The following PTPRT variants were observed in gnomAD, a reference collection of about 807,000 sequenced individuals.
The protein encoded by PTPRT is receptor-type tyrosine-protein phosphatase T.
A neutral mutation model predicts 176.8 loss-of-function variants in PTPRT; 56 were observed. The observed-to-expected ratio is 0.32, with a 90% CI of 0.26 to 0.40. The LOEUF is 0.40. PTPRT is among the 10% of genes least tolerant of loss of function. The probability of loss-of-function intolerance (pLI) is 1.00; values close to 1 mark genes in which losing one functional copy is unlikely to be tolerated. For missense variants in PTPRT, 1,540 were observed against 1,908.2 expected (o/e 0.81, Z 3.60); for synonymous variants, 783 against 739.0 (o/e 1.06, Z -0.96).
intron 7 of PTPRT, among the ~76,000 whole-genome samples, chr20:42,591,900 G>T (rs1771015470): frequency 6.6e-6 from 1 of 151,482 alleles, no homozygotes; most frequent in African/African-American, 2.4e-5. Flanking sequence ...ACTGGTGGAG[G>T]ATATAGCACA....
intron 1 of PTPRT, among the ~76,000 whole-genome samples, chr20:43,176,857 C>G (rs1408478980): frequency 6.6e-6 from 1 of 152,046 alleles, no homozygotes; most frequent in African/African-American, 2.4e-5. Flanking sequence ...AGCTGCATAG[C>G]AAAAATTGGG....
intron 1 of PTPRT, among the ~76,000 whole-genome samples, chr20:43,073,190 A>T (rs2011203640): frequency 6.6e-6 from 1 of 152,304 alleles, no homozygotes; most frequent in East Asian, 1.9e-4. Flanking sequence ...AGAAAATGCA[A>T]TCAGCTACCT....
At chr20:42,850,975 C>T (rs114502321) in intron 2 of PTPRT, among the ~76,000 whole-genome samples, 1 of 152,182 alleles carries the variant, frequency 6.6e-6, no homozygotes, top group East Asian at 1.9e-4. Context: ...CTCATTAGGG[C>T]TCTTGGTAGC....
At chr20:42,184,794 A>T (rs1231866932) in intron 16 of PTPRT, among the ~76,000 whole-genome samples, 1 of 139,766 alleles carries the variant, frequency 7.2e-6, no homozygotes, top group Admixed American at 7.4e-5. Flanking sequence ...CACCCGGCTA[A>T]TTTTTTTTTT....
intron 7 of PTPRT, among the ~76,000 whole-genome samples, chr20:42,663,823 A>T (rs1425305769): frequency 6.6e-6 from 1 of 152,250 alleles, no homozygotes; most frequent in African/African-American, 2.4e-5. Context: ...ATACTAGCAT[A>T]GAATTCCACT....
chr20:42,597,994 C>T (rs1208392283), intron 7 of PTPRT, among the ~76,000 whole-genome samples: 1 of 152,102 alleles, frequency 6.6e-6, no homozygotes, highest in Non-Finnish European at 1.5e-5. Flanking sequence ...TGGACTAGAA[C>T]ATATATATGC....
At chr20:42,103,470 T>C (rs945899110) in intron 25 of PTPRT, among the ~76,000 whole-genome samples, 5 of 152,206 alleles carry the variant, frequency 3.3e-5, no homozygotes, top group Non-Finnish European at 5.9e-5. Context: ...ATTTATTTTA[T>C]TTTTTATGTT....
chr20:42,692,038 T>A lies in PTPRT; in HGVS notation c.860-13879A>T, dbSNP rs80036854. ...ATATACAGTGATTTCCAAGGGCCCA[T>A]AGAAAGCAAGTCTTTAGCTAGAACA... On this transcript the variant is annotated intron_variant, in intron 6 of 30. Transcript: ENST00000373187. Among the ~76,000 whole-genome samples, 4 of 152,338 alleles carry A rather than the reference T, an allele frequency of 2.6e-5. No individual in the cohort carries two copies. In the East Asian group the frequency reaches 7.7e-4, roughly 29 times the overall value.
chr20:42,797,548 C>A lies in PTPRT; in HGVS notation c.215-6082G>T, dbSNP rs560804685. The stretch of plus-strand genomic sequence containing the variant: ...GAAGACTATCTCTCCCACCCTCCCC[C>A]GCAAACACAGTCCTCGGCCACTTTG... On this transcript the variant is annotated intron_variant, in intron 2 of 30. Transcript: ENST00000373187. 5.0e-4 allele frequency among the ~76,000 whole-genome samples: 76 copies of A among 151,940 alleles called. 1 individual carries two copies. The highest frequency in any genetic ancestry group is 9.0e-4 in the Non-Finnish European group (61 of 67,940).
intron 7 of PTPRT, among the ~76,000 whole-genome samples, chr20:42,555,477 G>A (rs1271393551): frequency 2.0e-5 from 3 of 152,176 alleles, no homozygotes; most frequent in Admixed American, 6.5e-5. Flanking sequence ...ACGGCAGGCA[G>A]TTTAGGTGTT....
chr20:42,119,064 C>T (rs1459748662), intron 20 of PTPRT, among the ~76,000 whole-genome samples: 4 of 142,470 alleles, frequency 2.8e-5, no homozygotes, highest in African/African-American at 1.0e-4. Context: ...AAAATAGGCT[C>T]TGACAGTCCA....
At position 42,453,332 on chromosome 20, in the gene PTPRT, C is replaced by T. The variant is rs1354801313; in HGVS notation, c.1451-5003G>A. 7.9e-5 allele frequency among the ~76,000 whole-genome samples: 12 copies of T among 151,824 alleles called. No individual in the cohort carries two copies. In the East Asian group the frequency reaches 2.3e-3, roughly 29 times the overall value. ...CATGTATTAATGCTTCTTTTTATGCCCCTCAGTTAAAAATGTTTTTCTTTT... is the reference window on the plus strand; with the variant it reads ...CATGTATTAATGCTTCTTTTTATGCTCCTCAGTTAAAAATGTTTTTCTTTT... On this transcript the variant is annotated intron_variant, in intron 8 of 30. Coordinates refer to ENST00000373187, the MANE Select transcript of PTPRT (RefSeq NM_007050.6).
At chr20:42,395,664 T>C (rs1235463333) in intron 9 of PTPRT, among the ~76,000 whole-genome samples, 2 of 152,186 alleles carry the variant, frequency 1.3e-5, no homozygotes, top group Non-Finnish European at 2.9e-5. Context: ...TATAAATTGC[T>C]AATGTTAACT....
At chr20:43,032,024 C>T (rs544367878) in intron 1 of PTPRT, among the ~76,000 whole-genome samples, 181 of 152,206 alleles carry the variant, frequency 1.2e-3, no homozygotes, top group African/African-American at 4.0e-3. Context: ...TGGGGCAGAA[C>T]GGCCAGAAAT....
chr20:42,710,495 A>G (rs2076128617), intron 6 of PTPRT, among the ~76,000 whole-genome samples: 2 of 152,242 alleles, frequency 1.3e-5, no homozygotes, highest in South Asian at 4.1e-4. Context: ...ACAATCCATA[A>G]GCCTTGGAAG....
chr20:42,610,010 A>C lies in PTPRT; in HGVS notation c.1153+67856T>G, dbSNP rs749254887. Among the ~76,000 whole-genome samples the C allele has an allele frequency of 2.2e-4, 33 of 152,252 alleles. 1 individual carries two copies. Among genetic ancestry groups the C allele is most frequent in the Non-Finnish European group, 4.0e-4 (27 of 68,044 alleles). On this transcript the variant is annotated intron_variant, in intron 7 of 30. Transcript: ENST00000373187. ...GCATCCAACCTCAACAGATGGCAGAATTCAGATGGGTGGCGGGAAGCAGGC... is the reference window on the plus strand; with the variant it reads ...GCATCCAACCTCAACAGATGGCAGACTTCAGATGGGTGGCGGGAAGCAGGC...
At chr20:42,461,885 TC>T (rs1000735111) in intron 8 of PTPRT, among the ~76,000 whole-genome samples, 1 of 151,640 alleles carries the variant, frequency 6.6e-6, no homozygotes, top group Non-Finnish European at 1.5e-5. Flanking sequence ...TTTTTTTTAA[TC>T]TTTTTAAAGA....
chr20:42,528,712 G>A (rs1205097290), intron 7 of PTPRT, among the ~76,000 whole-genome samples: 4 of 152,008 alleles, frequency 2.6e-5, no homozygotes, highest in Non-Finnish European at 5.9e-5. Flanking sequence ...TACTAAAAAC[G>A]GTTCATTATC....
At chr20:42,993,663 A>G (rs1403911010) in intron 1 of PTPRT, among the ~76,000 whole-genome samples, 1 of 151,410 alleles carries the variant, frequency 6.6e-6, no homozygotes, top group African/African-American at 2.4e-5. Flanking sequence ...GATAAAGAAA[A>G]TATTCTCGGT....
Sources: gnomAD v4.1 joint callset for allele counts (sites outside exome capture counted in the v4.1 genomes callset) on GRCh38, gnomAD v4.1.1 for gene constraint, MANE v1.5 for transcripts, NCBI Gene and HGNC (gene_info 2026-07-23, HGNC 2026-07-21) for gene names.